Variants in SRD5A2 observed in about 807,000 individuals in gnomAD.
The protein encoded by SRD5A2 is 3-oxo-5-alpha-steroid 4-dehydrogenase 2.
SRD5A2 carries 30 observed loss-of-function variants against 27.4 expected under a neutral mutation model. The ratio of observed to expected loss-of-function variants is 1.10; its 90% CI spans 0.82 to 1.49. The LOEUF is 1.49. Among genes scored for constraint, SRD5A2 ranks in the 40% most tolerant of loss-of-function variants. The pLI is 0.00. For synonymous variants in SRD5A2, 141 were observed against 133.6 expected (o/e 1.06, Z -0.38); for missense variants, 348 against 323.4 (o/e 1.08, Z -0.58).
intron 1 of SRD5A2, among the ~76,000 whole-genome samples, chr2:31,545,900 T>C (rs1431647493): frequency 2.0e-5 from 3 of 152,186 alleles, no homozygotes; most frequent in African/African-American, 4.8e-5. Context: ...CAAAAATCAG[T>C]TGCATTTCTA....
At chr2:31,572,646 C>A (rs1208494607) in intron 1 of SRD5A2, among the ~76,000 whole-genome samples, 2 of 152,072 alleles carry the variant, frequency 1.3e-5, no homozygotes, top group Non-Finnish European at 2.9e-5. Flanking sequence ...ACATGAGTAA[C>A]TTTTGGCAAG....
intron 1 of SRD5A2, among the ~76,000 whole-genome samples, chr2:31,547,876 TA>T (rs1279573575): frequency 2.6e-5 from 4 of 152,106 alleles, no homozygotes; most frequent in African/African-American, 9.7e-5. Flanking sequence ...GATAGATAGA[TA>T]GATAGATATA....
chr2:31,615,705 A>G, the SRD5A2 span, among the ~76,000 whole-genome samples: 2 of 152,360 alleles, frequency 1.3e-5, no homozygotes, highest in African/African-American at 2.4e-5. Context: ...AGAAATTTGC[A>G]TAAGTAATGA....
chr2:31,583,651 C>CAAAAAAAAAAAAAAAA (rs1558379512), upstream of SRD5A2, among the ~76,000 whole-genome samples: 1 of 66,514 alleles, frequency 1.5e-5, no homozygotes, highest in African/African-American at 6.4e-5. Context: ...AAAAAAAAAA[C>CAAAAAAAAAAAAAAAA]CAAAAAAAAA....
chr2:31,583,491 T>C (rs965553010), upstream of SRD5A2, among the ~76,000 whole-genome samples: 14 of 151,948 alleles, frequency 9.2e-5, no homozygotes, highest in East Asian at 2.3e-3. Flanking sequence ...TGCCCAATTA[T>C]AAATATACAG....
In SRD5A2 at chr2:31,552,773, A is replaced by G. The variant is rs145304144; in HGVS notation, c.282-19007T>C. On this transcript the variant is annotated intron_variant, in intron 1 of 4. Coordinates refer to ENST00000622030, the MANE Select transcript of SRD5A2 (RefSeq NM_000348.4). ...AAATCTCTAGCTGGGCTAATTGATG[A>G]AGGTCTTTAACTGTCAACACCACTC... is the stretch of plus-strand genomic sequence containing the variant. Among the ~76,000 whole-genome samples the G allele has an allele frequency of 1.8e-3, 270 of 152,288 alleles. 3 individuals are homozygous for G. The highest frequency in any genetic ancestry group is 6.3e-3 in the African/African-American group (261 of 41,562).
At chr2:31,611,782 C>A in the SRD5A2 span, among the ~76,000 whole-genome samples, 3 of 152,090 alleles carry the variant, frequency 2.0e-5, no homozygotes, top group Non-Finnish European at 4.4e-5. Flanking sequence ...AGACATCTAC[C>A]CTAAGACCCA....
chr2:31,565,681 T>C (rs1298190015), intron 1 of SRD5A2, among the ~76,000 whole-genome samples: 1 of 151,930 alleles, frequency 6.6e-6, no homozygotes, highest in Non-Finnish European at 1.5e-5. Context: ...TCTCTATGCA[T>C]GTAATAATAG....
chr2:31,565,084 G>T (rs1009106019), intron 1 of SRD5A2, among the ~76,000 whole-genome samples: 1 of 151,756 alleles, frequency 6.6e-6, no homozygotes, highest in Non-Finnish European at 1.5e-5. Flanking sequence ...GAGAAGAAAT[G>T]GAAGTACATT....
At chr2:31,621,868 C>T in the SRD5A2 span, among the ~76,000 whole-genome samples, 1 of 152,136 alleles carries the variant, frequency 6.6e-6, no homozygotes, top group Non-Finnish European at 1.5e-5. Flanking sequence ...GTCTCAAACT[C>T]ATGGCCTCAA....
At chr2:31,632,229 C>T in the SRD5A2 span, among the ~76,000 whole-genome samples, 17 of 152,172 alleles carry the variant, frequency 1.1e-4, no homozygotes, top group Admixed American at 2.6e-4. Flanking sequence ...ATGGGACAAA[C>T]GACATAAGAA....
chr2:31,619,731 C>T, the SRD5A2 span, among the ~76,000 whole-genome samples: 102,947 of 151,902 alleles, frequency 0.68, 35,108 homozygotes, highest in African/African-American at 0.7. Flanking sequence ...GCCATATGTA[C>T]GTCTTTTTTT....
intron 1 of SRD5A2, among the ~76,000 whole-genome samples, chr2:31,557,899 C>T (rs373854342): frequency 1.3e-4 from 20 of 152,332 alleles, no homozygotes; most frequent in African/African-American, 3.8e-4. Flanking sequence ...TGCTGCCTGA[C>T]CTTCTGATGC....
rs1279184508 is a variant in SRD5A2, at chr2:31,566,797, T to C, written c.281+13823A>G. Among the ~76,000 whole-genome samples the C allele has an allele frequency of 2.6e-5, 4 of 152,328 alleles. No homozygotes were observed. The East Asian group carries it at 7.7e-4, about 29-fold the overall frequency. ...TTGCATGGTCAGTTTGTAAAATACA[T>C]CTTAAAATTTTGTAATACAGTATTA... On this transcript the variant is annotated intron_variant, in intron 1 of 4. Transcript: ENST00000622030.
At chr2:31,563,307 A>C (rs1558370519) in intron 1 of SRD5A2, 1 of 152,148 alleles carries the variant, frequency 6.6e-6, no homozygotes, top group Non-Finnish European at 1.5e-5. Context: ...AAAGATAAAT[A>C]CTAAAACCCA....
intron 1 of SRD5A2, among the ~76,000 whole-genome samples, chr2:31,555,991 C>T (rs916622331): frequency 6.6e-5 from 10 of 152,152 alleles, no homozygotes; most frequent in African/African-American, 1.9e-4. Flanking sequence ...TTTGGGTACA[C>T]ATTTTAGCAC....
At chr2:31,655,587 C>CA in the SRD5A2 span, among the ~76,000 whole-genome samples, 13 of 151,326 alleles carry the variant, frequency 8.6e-5, no homozygotes, top group Admixed American at 2.6e-4. Context: ...GGAGAGAAGG[C>CA]AAAAAAAACA....
chr2:31,624,516 C>G, the SRD5A2 span, among the ~76,000 whole-genome samples: 1 of 151,978 alleles, frequency 6.6e-6, no homozygotes, highest in Non-Finnish European at 1.5e-5. Flanking sequence ...TTCCCCTCTC[C>G]CCCCACCCCA....
chr2:31,636,216 C>A, the SRD5A2 span, among the ~76,000 whole-genome samples: 1 of 151,906 alleles, frequency 6.6e-6, no homozygotes, highest in Non-Finnish European at 1.5e-5. Context: ...TTTCTTTCAT[C>A]AGAGTTTTAC....
Sources: gnomAD v4.1 joint callset for allele counts (sites outside exome capture counted in the v4.1 genomes callset) on GRCh38, gnomAD v4.1.1 for gene constraint, MANE v1.5 for transcripts, NCBI Gene and HGNC (gene_info 2026-07-23, HGNC 2026-07-21) for gene names.